Variants in UST observed in about 807,000 individuals in gnomAD.
UST encodes the protein uronyl 2-sulfotransferase.
In UST, 21 loss-of-function variants were observed where a neutral mutation model predicts 45.6. The ratio of observed to expected loss-of-function variants is 0.46; its 90% CI spans 0.33 to 0.66. The LOEUF is 0.66. Ranked by LOEUF, UST falls within the 30% of genes least tolerant of loss-of-function variation. The probability of loss-of-function intolerance (pLI) is 0.02; values close to 1 mark genes in which losing one functional copy is unlikely to be tolerated. For missense variants in UST, 463 were observed against 512.4 expected (o/e 0.90, Z 0.93); for synonymous variants, 215 against 200.6 (o/e 1.07, Z -0.61).
At chr6:149,055,175 G>A (rs965062782) in intron 7 of UST, among the ~76,000 whole-genome samples, 4 of 152,206 alleles carry the variant, frequency 2.6e-5, no homozygotes, top group Non-Finnish European at 5.9e-5. Context: ...GCAAGTCGAT[G>A]TATGGTTTTG....
chr6:148,841,425 C>T (rs1436532651), intron 1 of UST, among the ~76,000 whole-genome samples: 1 of 152,160 alleles, frequency 6.6e-6, no homozygotes, highest in African/African-American at 2.4e-5. Context: ...TTCCATGTAA[C>T]TAAGGAGACA....
intron 1 of UST, among the ~76,000 whole-genome samples, chr6:148,784,611 A>G (rs1776704556): frequency 6.6e-6 from 1 of 152,224 alleles, no homozygotes; most frequent in Admixed American, 6.5e-5. Flanking sequence ...ACAAGTGGAA[A>G]ATTGTACATA....
intron 4 of UST, among the ~76,000 whole-genome samples, chr6:148,956,783 A>T (rs79798450): frequency 6.6e-6 from 1 of 152,182 alleles, no homozygotes; most frequent in Non-Finnish European, 1.5e-5. Context: ...TATACACTAC[A>T]TGAGAACTGG....
intron 5 of UST, among the ~76,000 whole-genome samples, chr6:148,995,088 G>A (rs1038966383): frequency 6.6e-6 from 1 of 152,096 alleles, no homozygotes; most frequent in Non-Finnish European, 1.5e-5. Context: ...GCAGTGGGGC[G>A]ATCTCGGCTC....
Position 148,747,273 on chromosome 6 carries a change from C to A in UST, c.-158C>A. The A allele has an allele frequency of 1.2e-6, 1 of 866,382 alleles. No individual in the cohort carries two copies. Among genetic ancestry groups the A allele is most frequent in the Non-Finnish European group, 1.6e-6 (1 of 644,428 alleles). 53.7% of individuals were successfully genotyped at this position (866,382 alleles called of 1,614,324 possible). On this transcript the variant is annotated 5_prime_UTR_variant, in exon 1 of 8. Transcript: ENST00000367463. ...CGGCGGGGACCATGCCGAAGAAAGT[C>A]TCCTGAGCCCGGCAACTTCGGCCCC...
chr6:148,952,103 G>A (rs373335268), intron 3 of UST, among the ~76,000 whole-genome samples: 11 of 152,316 alleles, frequency 7.2e-5, no homozygotes, highest in African/African-American at 2.4e-4. Context: ...ATAACCTAGA[G>A]ATAAAAGTGT....
At chr6:148,837,968 C>T (rs917728602) in intron 1 of UST, among the ~76,000 whole-genome samples, 5 of 152,210 alleles carry the variant, frequency 3.3e-5, no homozygotes, top group Non-Finnish European at 5.9e-5. Context: ...TGGCATGAGC[C>T]ACCGTGCCTG....
At chr6:149,067,221 CCT>C (rs1776744663) in intron 7 of UST, among the ~76,000 whole-genome samples, 1 of 152,164 alleles carries the variant, frequency 6.6e-6, no homozygotes. Flanking sequence ...TCAGTCCCTT[CCT>C]CTGTGACATG....
At chr6:148,751,114 A>G (rs1318091175) in intron 1 of UST, among the ~76,000 whole-genome samples, 1 of 152,238 alleles carries the variant, frequency 6.6e-6, no homozygotes, top group Non-Finnish European at 1.5e-5. Context: ...GAGCAACAAC[A>G]AAGTATTGCT....
intron 1 of UST, among the ~76,000 whole-genome samples, chr6:148,841,685 A>G (rs1777895560): frequency 1.3e-5 from 2 of 151,710 alleles, no homozygotes; most frequent in African/African-American, 4.9e-5. Flanking sequence ...TTGTGTAAGC[A>G]GTTTTCTGAA....
intron 4 of UST, among the ~76,000 whole-genome samples, chr6:148,957,574 C>T (rs1395792369): frequency 6.6e-6 from 1 of 152,160 alleles, no homozygotes; most frequent in Non-Finnish European, 1.5e-5. Context: ...GCTGGAATTA[C>T]AGGCATGCAC....
chr6:149,042,017 C>T (rs1172541883), intron 7 of UST, among the ~76,000 whole-genome samples: 1 of 152,200 alleles, frequency 6.6e-6, no homozygotes. Context: ...GTACTTTCCA[C>T]GTAGTGGGTG....
intron 1 of UST, among the ~76,000 whole-genome samples, chr6:148,871,248 A>G (rs1778554378): frequency 6.6e-6 from 1 of 151,890 alleles, no homozygotes; most frequent in African/African-American, 2.4e-5. Context: ...GAACTTGAGC[A>G]TGCCAGCAAC....
chr6:148,803,960 C>T (rs1203464856), intron 1 of UST, among the ~76,000 whole-genome samples: 1 of 152,176 alleles, frequency 6.6e-6, no homozygotes, highest in Non-Finnish European at 1.5e-5. Flanking sequence ...CCATCATCTC[C>T]CTGGCTTGAT....
chr6:148,960,304 A>G (rs1780625875), intron 4 of UST, among the ~76,000 whole-genome samples: 1 of 152,136 alleles, frequency 6.6e-6, no homozygotes, highest in Non-Finnish European at 1.5e-5. Context: ...ATAAACAGCC[A>G]GCTCTACCCC....
chr6:149,023,140 GTGTGT>G (rs756334860), intron 7 of UST, among the ~76,000 whole-genome samples: 5 of 142,002 alleles, frequency 3.5e-5, no homozygotes, highest in African/African-American at 5.4e-5. Flanking sequence ...GTGTGTGTGT[GTGTGT>G]GTGTGGTGTG....
chr6:148,820,034 A>G (rs942106662), intron 1 of UST, among the ~76,000 whole-genome samples: 3 of 152,158 alleles, frequency 2.0e-5, no homozygotes, highest in Admixed American at 6.5e-5. Context: ...GGTTGTTCAC[A>G]TCGTATTATC....
At chr6:149,021,581 T>G in intron 7 of UST, 100 bp downstream of exon 7, 8 of 1,386,308 alleles carry the variant, frequency 5.8e-6, no homozygotes, top group Non-Finnish European at 6.9e-6. Context: ...AAATGATCTC[T>G]TCTGATGACA....
chr6:148,877,714 T>C (rs1474658236), intron 1 of UST, among the ~76,000 whole-genome samples: 4 of 80,640 alleles, frequency 5.0e-5, no homozygotes, highest in Admixed American at 1.4e-4. Flanking sequence ...GGGTCGTGTA[T>C]GAGTGGGGTG....
Sources: allele counts gnomAD v4.1 joint callset (sites outside exome capture counted in the v4.1 genomes callset), GRCh38; gene constraint gnomAD v4.1.1; transcripts MANE v1.5; gene names NCBI Gene and HGNC (gene_info 2026-07-23, HGNC 2026-07-21).